ZFHX4: variants seen among roughly 807,000 people sequenced by gnomAD.
The protein encoded by ZFHX4 is zinc finger homeobox protein 4.
A neutral mutation model predicts 267.6 loss-of-function variants in ZFHX4; 56 were observed. That is an observed-to-expected ratio of 0.21 (90% confidence interval 0.17 to 0.26). The LOEUF is 0.26. ZFHX4 is among the 10% of genes least tolerant of loss of function. The probability of loss-of-function intolerance (pLI) is 1.00; values close to 1 mark genes in which losing one functional copy is unlikely to be tolerated. For synonymous variants in ZFHX4, 1,778 were observed against 1,665.6 expected (o/e 1.07, Z -1.64); for missense variants, 4,332 against 4,420.0 (o/e 0.98, Z 0.56).
At chr8:76,841,834 T>TTAA (rs1472937585) in intron 5 of ZFHX4, among the ~76,000 whole-genome samples, 3 of 152,158 alleles carry the variant, frequency 2.0e-5, no homozygotes, top group African/African-American at 7.2e-5. Context: ...AAATGTGACA[T>TTAA]CAGCACAGTG....
chr8:76,854,771 T>C lies in ZFHX4; in HGVS notation c.7850T>C (p.Leu2617Pro). ...RLRTTITPEQ[L>P]EILYEKYLLD... ...AGAACCACGATCACCCCGGAACAGC[T>C]GGAAATACTCTATGAAAAATACTTG... Residue 2617 changes from leucine (L) to proline (P), a missense_variant, in exon 10 of 11, where the codon CTG becomes CCG. This residue lies in a region of ZFHX4 where 1,648 missense variants were observed against 1,625.0 expected (regional missense o/e 1.01). Transcript: ENST00000651372. 1.2e-6 allele frequency: 2 copies of C among 1,609,786 alleles called. No homozygotes were observed. Among genetic ancestry groups the C allele is most frequent in the Non-Finnish European group, 1.7e-6 (2 of 1,178,424 alleles).
intron 1 of ZFHX4, among the ~76,000 whole-genome samples, chr8:76,701,053 C>T (rs1395266656): frequency 6.6e-6 from 1 of 151,970 alleles, no homozygotes; most frequent in East Asian, 1.9e-4. Flanking sequence ...AAAGAAAGAC[C>T]TCGTCTGACA....
In ZFHX4 at chr8:76,848,983, T is replaced by C. The variant is rs757400665; in HGVS notation, c.3512-12T>C. On this transcript the variant is annotated splice_polypyrimidine_tract_variant and intron_variant, in intron 6 of 10. Coordinates refer to ENST00000651372, the MANE Select transcript of ZFHX4 (RefSeq NM_024721.5). ...TTTTAAATTGAATTGTTCTATTCTT[T>C]TTGGGAATCAGGGATAATCACACCA... 17 of 1,507,306 alleles carry C rather than the reference T, an allele frequency of 1.1e-5. No individual in the cohort carries two copies. The South Asian group carries it at 2.2e-4, about 20-fold the overall frequency. 93.4% of individuals were successfully genotyped at this position (1,507,306 alleles called of 1,614,324 possible). A position where few individuals can be genotyped will look rare whatever the true frequency, so the allele number is the denominator to read the frequency against.
intron 5 of ZFHX4, among the ~76,000 whole-genome samples, chr8:76,840,003 T>C (rs1268785052): frequency 6.6e-6 from 1 of 152,210 alleles, no homozygotes; most frequent in African/African-American, 2.4e-5. Context: ...TTCTGACTTA[T>C]ATGAAACTTT....
intron 4 of ZFHX4, among the ~76,000 whole-genome samples, chr8:76,805,888 C>T (rs1483038980): frequency 3.9e-5 from 6 of 151,988 alleles, no homozygotes; most frequent in Non-Finnish European, 5.9e-5. Flanking sequence ...ACTAGCCATG[C>T]TGTGAGATTT....
intron 3 of ZFHX4, among the ~76,000 whole-genome samples, chr8:76,749,225 A>G (rs1328054041): frequency 6.6e-6 from 1 of 151,924 alleles, no homozygotes; most frequent in Non-Finnish European, 1.5e-5. Flanking sequence ...TTCTGTTACT[A>G]TTTTCTTCAA....
chr8:76,704,313 C>T lies in ZFHX4; in HGVS notation c.225C>T (p.Thr75=). The stretch of plus-strand genomic sequence containing the variant: ...AGAATGCAGCTGCCACTCAGGTTAC[C>T]TCAGCAAAGGAGATACCCTGCAACG... ...SVENAAATQV[T]SAKEIPCNEC... is the part of the protein sequence containing the mutation. Residue 75 remains threonine, a synonymous_variant, in exon 2 of 11, where the codon ACC becomes ACT. Transcript: ENST00000651372. 6.2e-7 allele frequency: 1 copy of T among 1,613,994 alleles called. No individual in the cohort carries two copies. Among genetic ancestry groups the T allele is most frequent in the East Asian group, 2.2e-5 (1 of 44,876 alleles).
chr8:76,801,534 C>T (rs1811117340), intron 4 of ZFHX4, among the ~76,000 whole-genome samples: 1 of 152,174 alleles, frequency 6.6e-6, no homozygotes, highest in South Asian at 2.1e-4. Flanking sequence ...GAACCAGGTG[C>T]TTCAACCATT....
intron 5 of ZFHX4, chr8:76,834,442 G>A (rs1344463743): frequency 1.1e-5 from 2 of 176,556 alleles, no homozygotes; most frequent in Non-Finnish European, 1.2e-5. Flanking sequence ...TAGGTGTGTA[G>A]TTGTATCTCA....
intron 4 of ZFHX4, among the ~76,000 whole-genome samples, chr8:76,820,811 C>T (rs1347572661): frequency 6.6e-6 from 1 of 152,100 alleles, no homozygotes; most frequent in Non-Finnish European, 1.5e-5. Context: ...ATGGTGTTGG[C>T]TCATAGCTAG....
At chr8:76,700,623 A>G (rs1808078588) in intron 1 of ZFHX4, among the ~76,000 whole-genome samples, 1 of 152,196 alleles carries the variant, frequency 6.6e-6, no homozygotes, top group African/African-American at 2.4e-5. Context: ...ATGAGTAATA[A>G]AAGTTCTTTT....
At chr8:76,765,285 C>T (rs1057041364) in intron 3 of ZFHX4, among the ~76,000 whole-genome samples, 1 of 152,050 alleles carries the variant, frequency 6.6e-6, no homozygotes, top group Non-Finnish European at 1.5e-5. Flanking sequence ...TACCAGAAAG[C>T]ACGATTTTAA....
At chr8:76,788,899 G>C (rs1810763874) in intron 4 of ZFHX4, among the ~76,000 whole-genome samples, 1 of 152,194 alleles carries the variant, frequency 6.6e-6, no homozygotes, top group African/African-American at 2.4e-5. Flanking sequence ...GAACTGATCA[G>C]ATTATTTTAG....
chr8:76,783,113 C>T (rs766435971), intron 4 of ZFHX4, among the ~76,000 whole-genome samples: 2 of 152,026 alleles, frequency 1.3e-5, no homozygotes, highest in East Asian at 1.9e-4. Context: ...CATGGCCTCA[C>T]GAAATGGCAT....
At chr8:76,801,963 T>C (rs1811128469) in intron 4 of ZFHX4, among the ~76,000 whole-genome samples, 1 of 152,090 alleles carries the variant, frequency 6.6e-6, no homozygotes, top group Non-Finnish European at 1.5e-5. Flanking sequence ...GCAGTGCAAT[T>C]TTCTGCTATT....
rs375056646 is a variant in ZFHX4, at chr8:76,814,356, A to G, written c.3326-18982A>G. Reference sequence around the variant, plus strand: ...AAAAAGTTTTACATCAATATGATAAAAGAGAATGGAGATTACTTTTCTTAG... The same window carrying G: ...AAAAAGTTTTACATCAATATGATAAGAGAGAATGGAGATTACTTTTCTTAG... On this transcript the variant is annotated intron_variant, in intron 4 of 10. Transcript: ENST00000651372. Among the ~76,000 whole-genome samples the G allele has an allele frequency of 1.3e-4, 20 of 152,332 alleles. No individual in the cohort carries two copies. The East Asian group carries it at 2.7e-3, about 21-fold the overall frequency.
In ZFHX4 at chr8:76,704,599, G is replaced by T. The variant is rs1012994742; in HGVS notation, c.511G>T (p.Ala171Ser). 1.5e-5 allele frequency: 24 copies of T among 1,613,836 alleles called. No individual in the cohort carries two copies. The highest frequency in any genetic ancestry group is 1.9e-5 in the Non-Finnish European group (22 of 1,179,886). Residue 171 changes from alanine to serine, a missense_variant, in exon 2 of 11, where the codon GCA becomes TCA. Transcript: ENST00000651372. ...FSTAMFLDSLASAGEKSDQSA... is the reference protein window; with the variant it reads ...FSTAMFLDSLSSAGEKSDQSA... ...TACAGCGATGTTCCTGGACTCCCTG[G>T]CATCTGCTGGAGAGAAGAGTGATCA...
chr8:76,747,407 C>T (rs953644000), intron 3 of ZFHX4, among the ~76,000 whole-genome samples: 17 of 152,064 alleles, frequency 1.1e-4, no homozygotes, highest in Non-Finnish European at 2.1e-4. Context: ...AAGTAGATTT[C>T]GATCCTCACT....
intron 3 of ZFHX4, among the ~76,000 whole-genome samples, chr8:76,768,759 T>C (rs1184731785): frequency 1.3e-5 from 2 of 152,138 alleles, no homozygotes; most frequent in African/African-American, 2.4e-5. Context: ...AGAAAGGTCA[T>C]TGTTAGGAAT....
Sources: allele counts gnomAD v4.1 joint callset (sites outside exome capture counted in the v4.1 genomes callset), GRCh38; gene constraint gnomAD v4.1.1; regional missense constraint gnomAD v4.1.1; transcripts MANE v1.5; gene names NCBI Gene and HGNC (gene_info 2026-07-23, HGNC 2026-07-21).